The following KCNIP4 variants were observed in gnomAD, a reference collection of about 807,000 sequenced individuals.
KCNIP4 encodes Kv channel-interacting protein 4.
Under a neutral mutation model 34.0 loss-of-function variants are expected in KCNIP4, and 12 were observed. The ratio of observed to expected loss-of-function variants is 0.35; its 90% CI spans 0.23 to 0.57. KCNIP4 has a LOEUF of 0.57. KCNIP4 is among the 20% of genes least tolerant of loss of function. The probability of loss-of-function intolerance (pLI) is 0.83; values close to 1 mark genes in which losing one functional copy is unlikely to be tolerated. For missense variants in KCNIP4, 238 were observed against 311.7 expected (o/e 0.76, Z 1.78); for synonymous variants, 124 against 102.2 (o/e 1.21, Z -1.29).
chr4:20,882,832 C>T (rs2149525097), intron 1 of KCNIP4, 123 bp from the exon 2 acceptor site: 2 of 643,808 alleles, frequency 3.1e-6, no homozygotes, highest in East Asian at 2.7e-5. Flanking sequence ...CAGGCAATCA[C>T]AGGCAGTGGG....
rs932404575 is a variant in KCNIP4 at position 21,587,011 on chromosome 4, T to C, written c.61+361560A>G. ...CCAGGAGTGAAATGGTGTTCACTTA[T>C]CAACAAAACTATCTTTGTTCTCAAG... On this transcript the variant is annotated intron_variant, in intron 1 of 8. Coordinates refer to ENST00000382152, the MANE Select transcript of KCNIP4 (RefSeq NM_025221.6). 5.3e-5 allele frequency among the ~76,000 whole-genome samples: 8 copies of C among 152,180 alleles called. No individual in the cohort carries two copies. The East Asian group carries it at 5.8e-4, about 11-fold the overall frequency.
At chr4:21,216,210 C>A (rs1054353940) in intron 1 of KCNIP4, among the ~76,000 whole-genome samples, 1 of 152,196 alleles carries the variant, frequency 6.6e-6, no homozygotes, top group African/African-American at 2.4e-5. Context: ...TGAGAGATAA[C>A]TCCATGGATA....
At chr4:21,779,988 A>G (rs1362374506) in intron 1 of KCNIP4, among the ~76,000 whole-genome samples, 1 of 152,070 alleles carries the variant, frequency 6.6e-6, no homozygotes, top group Non-Finnish European at 1.5e-5. Flanking sequence ...GAAATGGCAT[A>G]TCACAATGGC....
At chr4:21,718,642 A>G (rs1384234340) in intron 1 of KCNIP4, 1 of 150,416 alleles carries the variant, frequency 6.6e-6, no homozygotes, top group Non-Finnish European at 1.5e-5. Context: ...TTAAAGTTTT[A>G]TGAAAATAAT....
At chr4:21,686,100 C>A (rs1406841312) in intron 1 of KCNIP4, among the ~76,000 whole-genome samples, 1 of 152,168 alleles carries the variant, frequency 6.6e-6, no homozygotes, top group African/African-American at 2.4e-5. Context: ...ATAAAACAGG[C>A]TCTATGTATC....
chr4:21,411,575 C>A (rs1337341339), intron 1 of KCNIP4, among the ~76,000 whole-genome samples: 1 of 152,160 alleles, frequency 6.6e-6, no homozygotes, highest in African/African-American at 2.4e-5. Flanking sequence ...AGCACTGTAA[C>A]AGTCCAAGAT....
At chr4:21,947,164 C>T (rs556731120) in intron 1 of KCNIP4, among the ~76,000 whole-genome samples, 5 of 152,302 alleles carry the variant, frequency 3.3e-5, no homozygotes, top group African/African-American at 1.2e-4. Flanking sequence ...TTCTAAAGAA[C>T]TGCAAAGACA....
intron 1 of KCNIP4, among the ~76,000 whole-genome samples, chr4:21,708,114 T>C (rs1367398551): frequency 1.3e-5 from 2 of 152,142 alleles, no homozygotes; most frequent in African/African-American, 4.8e-5. Context: ...TTTACTCAGA[T>C]GCATTTTCTC....
chr4:21,849,263 C>T (rs935087756), intron 1 of KCNIP4: 1 of 152,026 alleles, frequency 6.6e-6, no homozygotes, highest in African/African-American at 2.4e-5. Context: ...TAGGAGAGTG[C>T]TTATGGCAAT....
intron 1 of KCNIP4, among the ~76,000 whole-genome samples, chr4:20,888,724 G>A (rs1402602813): frequency 2.0e-5 from 3 of 152,126 alleles, no homozygotes; most frequent in African/African-American, 4.8e-5. Context: ...TGAGCCTAAT[G>A]AGAGCATTCA....
intron 1 of KCNIP4, among the ~76,000 whole-genome samples, chr4:21,241,833 A>G (rs1277974320): frequency 5.3e-5 from 8 of 152,186 alleles, no homozygotes; most frequent in African/African-American, 1.9e-4. Flanking sequence ...ATCCGCAAAA[A>G]CTGCAGTATG....
intron 1 of KCNIP4, among the ~76,000 whole-genome samples, chr4:21,675,505 C>T (rs1749822008): frequency 6.6e-6 from 1 of 152,142 alleles, no homozygotes. Context: ...CCCCATTCTC[C>T]ATGATGTGCT....
At chr4:21,705,585 G>A (rs967486470) in intron 1 of KCNIP4, among the ~76,000 whole-genome samples, 6 of 152,060 alleles carry the variant, frequency 3.9e-5, no homozygotes, top group Non-Finnish European at 7.4e-5. Flanking sequence ...GGGGAACGGG[G>A]AAAGAAACAA....
chr4:21,034,815 T>A (rs1462142889), intron 1 of KCNIP4, among the ~76,000 whole-genome samples: 2 of 152,228 alleles, frequency 1.3e-5, no homozygotes, highest in African/African-American at 4.8e-5. Context: ...TATTTCCTTT[T>A]GCTTGAATGA....
At chr4:21,452,873 G>C (rs1404539522) in intron 1 of KCNIP4, among the ~76,000 whole-genome samples, 1 of 136,010 alleles carries the variant, frequency 7.4e-6, no homozygotes, top group South Asian at 2.3e-4. Context: ...GGTAAAGGCT[G>C]TATGCCTTAA....
intron 1 of KCNIP4, among the ~76,000 whole-genome samples, chr4:21,234,234 CATATAT>C (rs541347700): frequency 1.6e-4 from 5 of 32,224 alleles, no homozygotes; most frequent in Non-Finnish European, 2.4e-4. Context: ...ACATATATAA[CATATAT>C]ATAACATATA....
intron 1 of KCNIP4, among the ~76,000 whole-genome samples, chr4:21,080,562 T>C (rs1745913906): frequency 6.6e-6 from 1 of 151,860 alleles, no homozygotes; most frequent in Non-Finnish European, 1.5e-5. Context: ...TTCTTCTATT[T>C]CCTTTTTGAA....
intron 1 of KCNIP4, among the ~76,000 whole-genome samples, chr4:21,270,982 TC>T (rs34002052): frequency 0.18 from 15,177 of 84,656 alleles, 1,196 homozygotes; most frequent in East Asian, 0.34. Context: ...CAAGTCCCTG[TC>T]CCCAAAAAAA....
At chr4:21,904,301 A>G (rs963017586) in intron 1 of KCNIP4, among the ~76,000 whole-genome samples, 5 of 152,176 alleles carry the variant, frequency 3.3e-5, no homozygotes, top group Admixed American at 1.3e-4. Context: ...ATTTATTAAT[A>G]CCATAATTAT....
Sources: gnomAD v4.1 joint callset for allele counts (sites outside exome capture counted in the v4.1 genomes callset) on GRCh38, gnomAD v4.1.1 for gene constraint, MANE v1.5 for transcripts, NCBI Gene and HGNC (gene_info 2026-07-23, HGNC 2026-07-21) for gene names.